MAPK15: variants seen among roughly 807,000 people sequenced by gnomAD.
MAPK15 encodes mitogen-activated protein kinase 15.
In MAPK15, 61 loss-of-function variants were observed where a neutral mutation model predicts 60.8. The observed-to-expected ratio is 1.00, with a 90% CI of 0.82 to 1.24. The LOEUF is 1.24. MAPK15 is among the 50% of genes most tolerant of loss of function. The pLI is 0.00. For synonymous variants in MAPK15, 356 were observed against 319.9 expected, an observed-to-expected ratio of 1.11 and a Z score of -1.21; for missense variants, 808 against 741.1, an observed-to-expected ratio of 1.09 and a Z score of -1.05.
Position 143,722,208 on chromosome 8 carries a change from C to A in MAPK15, c.1592C>A (p.Ser531Ter). 6.2e-7 allele frequency: 1 copy of A among 1,603,836 alleles called. No individual in the cohort carries two copies. The highest frequency in any genetic ancestry group is 8.5e-7 in the Non-Finnish European group (1 of 1,175,018). ...CAAGCCTACGGGACTGTCTGCCACT[C>A]GGCACTGGGCCACCTGCCCCTGCTG... ...YSQAYGTVCH[S>*]ALGHLPLLEG... The change falls in exon 14 of 14, where the codon TCG (serine) becomes TAG (stop). Residue 531 changes from serine (S) to a stop codon, truncating the protein, a stop_gained. Transcript: ENST00000338033. LOFTEE classifies it high-confidence loss of function.
At chr8:143,716,723 C>T (rs1184533538) in intron 1 of MAPK15, among the ~76,000 whole-genome samples, 1 of 151,326 alleles carries the variant, frequency 6.6e-6, no homozygotes, top group African/African-American at 2.4e-5. Context: ...ACTCCCCACG[C>T]GTCCACAGTC....
chr8:143,720,534 T>C lies in MAPK15; in HGVS notation c.780-169T>C, dbSNP rs1277946606. 8 of 1,457,376 alleles carry C rather than the reference T, an allele frequency of 5.5e-6. No individual in the cohort carries two copies. The highest frequency in any genetic ancestry group is 7.3e-6 in the Non-Finnish European group (8 of 1,101,716). The allele number at this position is 1,457,376 out of a possible 1,614,324, so 90.3% of individuals were successfully genotyped here. On this transcript the variant is annotated intron_variant, in intron 8 of 13. Transcript: ENST00000338033. The surrounding 1 kb of genome is among the most constrained non-coding windows in gnomAD (Gnocchi z 4.6). ...AGGGCACCAGGGGGCCGCAGGGGTC[T>C]CTCCACCCTGCAGGGGCCCAGACTG... is the stretch of plus-strand genomic sequence containing the variant.
chr8:143,717,838 G>A (rs1554618702), intron 2 of MAPK15, 46 bp downstream of exon 2: 2 of 1,557,552 alleles, frequency 1.3e-6, no homozygotes, highest in Non-Finnish European at 1.8e-6. Context: ...GGCAGGGAGG[G>A]GCAGCCCCTT....
chr8:143,720,309 A>G lies in MAPK15; in HGVS notation c.779+22A>G. 6.4e-7 allele frequency: 1 copy of G among 1,561,420 alleles called. No homozygotes were observed. Among genetic ancestry groups the G allele is most frequent in the Non-Finnish European group, 8.7e-7 (1 of 1,151,642 alleles). Reference sequence around the variant, plus strand: ...CCCGGTGAGTGGGGGCACTTCGGTGAGGGTGACAGGGTGGCCTATCTCAAG... The same window carrying G: ...CCCGGTGAGTGGGGGCACTTCGGTGGGGGTGACAGGGTGGCCTATCTCAAG... On this transcript the variant is annotated intron_variant, in intron 8 of 13. Transcript: ENST00000338033. The surrounding 1 kb of genome is among the most constrained non-coding windows in gnomAD (Gnocchi z 4.6).
rs1554618846 is a variant in MAPK15, at chr8:143,718,318, G to A, written c.286+16G>A. 3.1e-6 allele frequency: 5 copies of A among 1,611,870 alleles called. No individual in the cohort carries two copies. In the Admixed American group the frequency reaches 8.3e-5, roughly 27 times the overall value. ...GAGTTTATGGGTGAGTGAGGCCCCG[G>A]CCAGCGCCCCAGCCCCACCTCTGTT... On this transcript the variant is annotated intron_variant, in intron 4 of 13. Coordinates refer to ENST00000338033, the MANE Select transcript of MAPK15 (RefSeq NM_139021.3).
rs541230535 is a variant in MAPK15, at chr8:143,718,617, C to A, written c.287-158C>A. On this transcript the variant is annotated intron_variant, in intron 4 of 13. Transcript: ENST00000338033. Reference sequence around the variant, plus strand: ...GTGTTAAAACTCCTGCAGACCTCACCGCTGTGCCCACAGGCAGTGCACAGG... The same window carrying A: ...GTGTTAAAACTCCTGCAGACCTCACAGCTGTGCCCACAGGCAGTGCACAGG... 1.2e-5 allele frequency: 8 copies of A among 663,576 alleles called. 1 individual carries two copies. In the South Asian group the frequency reaches 1.5e-4, roughly 13 times the overall value. The allele number at this position is 663,576 out of a possible 1,614,324, so 41.1% of individuals were successfully genotyped here.
At chr8:143,721,504 TGGGGTTGACCCACTGACCCC>T (rs782294961) in intron 11 of MAPK15, 25 bp from the exon 12 acceptor site, 160 of 1,613,196 alleles carry the variant, frequency 9.9e-5, no homozygotes, top group East Asian at 5.6e-4. Flanking sequence ...TTCCTGACCC[TGGGGTTGACCCACTGACCCC>T]GGGGTTGACC....
intron 7 of MAPK15, among the ~76,000 whole-genome samples, chr8:143,719,923 A>G (rs1186446767): frequency 6.6e-6 from 1 of 151,718 alleles, no homozygotes; most frequent in Non-Finnish European, 1.5e-5. Flanking sequence ...AGGGAGCTGC[A>G]CCGCCAGGCA....
rs200452806 is a variant in MAPK15, at chr8:143,721,043, C to T, written c.961C>T (p.Arg321Trp). The T allele has an allele frequency of 2.3e-4, 368 of 1,611,856 alleles. No homozygotes were observed. The highest frequency in any genetic ancestry group is 1.9e-3 in the African/African-American group (145 of 74,978). Residue 321 changes from arginine to tryptophan, a missense_variant, in exon 10 of 14, where the codon CGG becomes TGG. Physicochemically the swap from Arg to Trp is moderately radical, Grantham distance 101. Coordinates refer to ENST00000338033, the MANE Select transcript of MAPK15 (RefSeq NM_139021.3). ...CGAGTGGGCACGAGAGGCAGATGTG[C>T]GGCCCCGGGCACACGAAGGGGTCCA... ...SDEWAREADV[R>W]PRAHEGVQLS...
In MAPK15 at chr8:143,721,649, A is replaced by G. The variant is rs781983437; in HGVS notation, c.1305A>G (p.Glu435=). ...GNGERPPGAK[E]APPLTLSLVK... ...GGGAAAGGCCCCCTGGGGCGAAGGA[A>G]GCGCCCCCCTTGACACTCTCGCTGG... Residue 435 remains glutamate (E), a synonymous_variant, in exon 12 of 14, where the codon GAA becomes GAG. Coordinates refer to ENST00000338033, the MANE Select transcript of MAPK15 (RefSeq NM_139021.3). 8.7e-6 allele frequency: 14 copies of G among 1,609,110 alleles called. No homozygotes were observed. The highest frequency in any genetic ancestry group is 1.7e-4 in the Middle Eastern group (1 of 6,050).
In MAPK15 at chr8:143,720,477, G is replaced by C. The variant is rs556894913; in HGVS notation, c.779+190G>C. On this transcript the variant is annotated intron_variant, in intron 8 of 13. Coordinates refer to ENST00000338033, the MANE Select transcript of MAPK15 (RefSeq NM_139021.3). This position sits in a 1 kb window ranked among gnomAD's most constrained non-coding sequence, Gnocchi z 4.6. ...GCCCCTCTGGTGCTCCTAGAGGGTG[G>C]CCCAGAGGAGCTGTGCCAGGGCGTG... 12 of 1,448,640 alleles carry C rather than the reference G, an allele frequency of 8.3e-6. No individual in the cohort carries two copies. In the East Asian group the frequency reaches 3.0e-4, roughly 36 times the overall value. 89.7% of individuals were successfully genotyped at this position (1,448,640 alleles called of 1,614,324 possible).
At position 143,720,967 on chromosome 8, in the gene MAPK15, C is replaced by T. The variant is rs114890908; in HGVS notation, c.918-33C>T. ...ACGGCTTGAGGGGCTCCCTTGGCCG[C>T]AGCCCGGGCCCCACCTCCCTGGCTC... On this transcript the variant is annotated intron_variant, in intron 9 of 13. Transcript: ENST00000338033. The surrounding 1 kb of genome is among the most constrained non-coding windows in gnomAD (Gnocchi z 4.6). 3,071 of 1,586,662 alleles carry T rather than the reference C, an allele frequency of 1.9e-3. 56 individuals are homozygous for T. In the African/African-American group the frequency reaches 0.036, roughly 19 times the overall value.
intron 1 of MAPK15, 83 bp downstream of exon 1, chr8:143,716,526 T>A (rs1554618392): frequency 7.5e-7 from 1 of 1,329,916 alleles, no homozygotes; most frequent in Non-Finnish European, 1.0e-6. Flanking sequence ...GCCGGTCCCC[T>A]CGGAGGCCTG....
At position 143,721,049 on chromosome 8, in the gene MAPK15, C is replaced by T. The variant is rs550675679; in HGVS notation, c.967C>T (p.Arg323Trp). The change falls in exon 10 of 14, where the codon CGG becomes TGG. Residue 323 changes from arginine (R) to tryptophan (W), a missense_variant. Coordinates refer to ENST00000338033, the MANE Select transcript of MAPK15 (RefSeq NM_139021.3). ...GGCACGAGAGGCAGATGTGCGGCCC[C>T]GGGCACACGAAGGGGTCCAGCTCTC... ...EWAREADVRPRAHEGVQLSVP... is the reference protein window; with the variant it reads ...EWAREADVRPWAHEGVQLSVP... The T allele has an allele frequency of 2.6e-5, 42 of 1,612,096 alleles. No homozygotes were observed. In the Middle Eastern group the frequency reaches 5.0e-4, roughly 19 times the overall value.
At chr8:143,719,631 G>A in intron 7 of MAPK15, 149 bp downstream of exon 7, 1 of 1,150,034 alleles carries the variant, frequency 8.7e-7, no homozygotes, top group Non-Finnish European at 1.2e-6. Context: ...GCCCCAGGAA[G>A]ACCGACTGGT....
At position 143,720,896 on chromosome 8, in the gene MAPK15, G is replaced by A; in HGVS notation, c.917+56G>A. ...GGGGGACAGAGGTGGGGGCAGGAGA[G>A]AGCCAGCCCATGAGGGACAGCCCCC... is the stretch of plus-strand genomic sequence containing the variant. On this transcript the variant is annotated intron_variant, in intron 9 of 13. Coordinates refer to ENST00000338033, the MANE Select transcript of MAPK15 (RefSeq NM_139021.3). The surrounding 1 kb of genome is among the most constrained non-coding windows in gnomAD (Gnocchi z 4.6). 1 of 1,591,748 alleles carries A rather than the reference G, an allele frequency of 6.3e-7. No individual in the cohort carries two copies. Among genetic ancestry groups the A allele is most frequent in the South Asian group, 1.1e-5 (1 of 89,966 alleles).
At chr8:143,716,473 G>A (rs782016646) in intron 1 of MAPK15, 30 bp downstream of exon 1, 1 of 1,585,740 alleles carries the variant, frequency 6.3e-7, no homozygotes, top group South Asian at 1.1e-5. Flanking sequence ...TCCGCGCGCC[G>A]AGGGGCGCGG....
rs541311586 is a variant in MAPK15, at chr8:143,722,417, C to A, written c.*166C>A. On this transcript the variant is annotated 3_prime_UTR_variant, in exon 14 of 14. Coordinates refer to ENST00000338033, the MANE Select transcript of MAPK15 (RefSeq NM_139021.3). ...GGGGAGCAGATGAGGGCCCTGCCCCCGCCCCACTGACTTCCTCCAATAAAG... is the reference window on the plus strand; with the variant it reads ...GGGGAGCAGATGAGGGCCCTGCCCCAGCCCCACTGACTTCCTCCAATAAAG... 13 of 558,874 alleles carry A rather than the reference C, an allele frequency of 2.3e-5. No individual in the cohort carries two copies. The East Asian group carries it at 4.3e-4, about 18-fold the overall frequency. The allele number at this position is 558,874 out of a possible 1,614,324, so 34.6% of individuals were successfully genotyped here.
At chr8:143,718,136 G>A in intron 3 of MAPK15, 60 bp downstream of exon 3, 6 of 1,613,678 alleles carry the variant, frequency 3.7e-6, no homozygotes, top group Non-Finnish European at 4.2e-6. Flanking sequence ...TCTCCAGACA[G>A]GAGAGAAACT....
Sources: allele counts gnomAD v4.1 joint callset (sites outside exome capture counted in the v4.1 genomes callset), GRCh38; gene constraint gnomAD v4.1.1; non-coding constraint Gnocchi (gnomAD v3.1); transcripts MANE v1.5; gene names NCBI Gene and HGNC (gene_info 2026-07-23, HGNC 2026-07-21).